Variants in SEMA3E observed in about 807,000 individuals in gnomAD.
SEMA3E encodes semaphorin-3E.
In SEMA3E, 49 loss-of-function variants were observed where a neutral mutation model predicts 93.6. That is an observed-to-expected ratio of 0.52 (90% confidence interval 0.42 to 0.66). The LOEUF is 0.66. Ranked by LOEUF, SEMA3E falls within the 30% of genes least tolerant of loss-of-function variation. The probability of loss-of-function intolerance (pLI) is 0.00; values close to 1 mark genes in which losing one functional copy is unlikely to be tolerated. For synonymous variants in SEMA3E, 363 were observed against 330.7 expected (o/e 1.10, Z -1.06); for missense variants, 906 against 964.8 (o/e 0.94, Z 0.81).
intron 4 of SEMA3E, among the ~76,000 whole-genome samples, chr7:83,422,300 A>G (rs1788682710): frequency 1.3e-5 from 2 of 152,208 alleles, no homozygotes; most frequent in African/African-American, 4.8e-5. Flanking sequence ...TATAGCTACT[A>G]TACACCAATT....
intron 4 of SEMA3E, among the ~76,000 whole-genome samples, chr7:83,430,441 G>A (rs577882997): frequency 6.6e-6 from 1 of 151,976 alleles, no homozygotes; most frequent in African/African-American, 2.4e-5. Flanking sequence ...CTCCAGCCTG[G>A]GTGACGTTAA....
intron 1 of SEMA3E, among the ~76,000 whole-genome samples, chr7:83,626,592 T>C (rs1388081681): frequency 1.3e-5 from 2 of 152,184 alleles, no homozygotes; most frequent in African/African-American, 2.4e-5. Flanking sequence ...TTGATTCTTC[T>C]CTCTTTTCTT....
rs568405187 is a variant in SEMA3E, at chr7:83,491,299, T to C, written c.116-1025A>G. Among the ~76,000 whole-genome samples, 5 of 152,156 alleles carry C rather than the reference T, an allele frequency of 3.3e-5. No homozygotes were observed. The East Asian group carries it at 7.7e-4, about 23-fold the overall frequency. On this transcript the variant is annotated intron_variant, in intron 1 of 16. Coordinates refer to ENST00000643230, the MANE Select transcript of SEMA3E (RefSeq NM_012431.3). ...TAATAATATATTCCTTATCTATGTCTCTACCCTCAAACTGTTGATGCCCAA... is the reference window on the plus strand; with the variant it reads ...TAATAATATATTCCTTATCTATGTCCCTACCCTCAAACTGTTGATGCCCAA...
At chr7:83,539,796 A>G (rs550840144) in intron 1 of SEMA3E, among the ~76,000 whole-genome samples, 53 of 151,606 alleles carry the variant, frequency 3.5e-4, no homozygotes, top group African/African-American at 1.2e-3. Context: ...TCTGTCAAAC[A>G]TAAGACAAAG....
chr7:83,518,357 T>C (rs1469815794), intron 1 of SEMA3E, among the ~76,000 whole-genome samples: 2 of 151,206 alleles, frequency 1.3e-5, no homozygotes, highest in African/African-American at 4.9e-5. Context: ...TTACAAGTCA[T>C]AGGTGAGGAA....
rs1008890403 is a variant in SEMA3E, at chr7:83,401,514, A to G, written c.1143+1118T>C. On this transcript the variant is annotated intron_variant, in intron 10 of 16. Coordinates refer to ENST00000643230, the MANE Select transcript of SEMA3E (RefSeq NM_012431.3). The stretch of plus-strand genomic sequence containing the variant: ...AGTCGCTTCCTCCAAATCTCCTTTA[A>G]GACCATGTGGTTTCAGGAAGCATTT... Among the ~76,000 whole-genome samples the G allele has an allele frequency of 1.4e-4, 21 of 152,176 alleles. 1 individual carries two copies. The highest frequency in any genetic ancestry group is 1.3e-4 in the Admixed American group (2 of 15,258).
intron 1 of SEMA3E, among the ~76,000 whole-genome samples, chr7:83,587,205 C>T (rs1169667118): frequency 6.6e-6 from 1 of 152,040 alleles, no homozygotes; most frequent in Non-Finnish European, 1.5e-5. Flanking sequence ...TATATATGTT[C>T]ACAAACTCAA....
rs1794635563 is a variant in SEMA3E, at chr7:83,364,378, T to C, written c.*3208A>G. ...CAAACATTCTAAGTATTTAACTAAT[T>C]TTAGATAGAAAAAACTCTAAAATAT... On this transcript the variant is annotated 3_prime_UTR_variant, in exon 17 of 17. Transcript: ENST00000643230. 6.6e-6 allele frequency: 1 copy of C among 152,202 alleles called. No individual in the cohort carries two copies. The highest frequency in any genetic ancestry group is 1.5e-5 in the Non-Finnish European group (1 of 68,036). The allele number at this position is 152,202 out of a possible 1,614,324, so 9.4% of individuals were successfully genotyped here.
At chr7:83,599,611 A>G (rs1403581438) in intron 1 of SEMA3E, among the ~76,000 whole-genome samples, 1 of 152,216 alleles carries the variant, frequency 6.6e-6, no homozygotes, top group Non-Finnish European at 1.5e-5. Context: ...TATTTTTCCC[A>G]TTAGATAACT....
rs1281731162 is a variant in SEMA3E at position 83,540,305 on chromosome 7, T to C, written c.116-50031A>G. Reference sequence around the variant, plus strand: ...AAATAGCCAGTAGGCATAATCTTTATACAAACATTAATCTACTAAACCACA... The same window carrying C: ...AAATAGCCAGTAGGCATAATCTTTACACAAACATTAATCTACTAAACCACA... On this transcript the variant is annotated intron_variant, in intron 1 of 16. Coordinates refer to ENST00000643230, the MANE Select transcript of SEMA3E (RefSeq NM_012431.3). 4.6e-5 allele frequency among the ~76,000 whole-genome samples: 7 copies of C among 152,222 alleles called. No homozygotes were observed. The East Asian group carries it at 1.3e-3, about 29-fold the overall frequency.
At chr7:83,451,987 C>CT (rs150879416) in intron 4 of SEMA3E, among the ~76,000 whole-genome samples, 129 of 152,312 alleles carry the variant, frequency 8.5e-4, no homozygotes, top group Admixed American at 1.5e-3. Flanking sequence ...CGTTCTCCTT[C>CT]TTCTGGTTTG....
intron 1 of SEMA3E, among the ~76,000 whole-genome samples, chr7:83,528,069 T>A (rs1656453071): frequency 6.6e-6 from 1 of 152,088 alleles, no homozygotes; most frequent in African/African-American, 2.4e-5. Flanking sequence ...TATTCTTACA[T>A]ATAATTTTTG....
intron 1 of SEMA3E, among the ~76,000 whole-genome samples, chr7:83,521,990 A>T (rs1028547606): frequency 6.6e-6 from 1 of 152,090 alleles, no homozygotes; most frequent in Admixed American, 6.6e-5. Context: ...CAGAGACAAA[A>T]ATTTGACAGA....
At chr7:83,390,835 A>T (rs1034914939) in intron 14 of SEMA3E, among the ~76,000 whole-genome samples, 3 of 152,116 alleles carry the variant, frequency 2.0e-5, no homozygotes, top group African/African-American at 7.2e-5. Context: ...TTTCTAAGTA[A>T]CTCTTTTTGT....
chr7:83,625,404 C>A (rs1687355438), intron 1 of SEMA3E, among the ~76,000 whole-genome samples: 1 of 152,186 alleles, frequency 6.6e-6, no homozygotes, highest in East Asian at 1.9e-4. Context: ...TTTCCTTGAG[C>A]AGTGGTTTGT....
Position 83,385,373 on chromosome 7 carries a change from A to C in SEMA3E, c.1796T>G (p.Leu599Trp). The C allele has an allele frequency of 6.2e-7, 1 of 1,613,672 alleles. No homozygotes were observed. Residue 599 changes from leucine (L) to tryptophan (W), a missense_variant, in exon 16 of 17, where the codon TTG becomes TGG. By Grantham distance (61) the Leu-to-Trp change is moderately conservative (BLOSUM62 -2). Coordinates refer to ENST00000643230, the MANE Select transcript of SEMA3E (RefSeq NM_012431.3). Reference sequence around the variant, plus strand: ...TAAAGATCGTGGGGTACATTCCAGCAAAGTACTGTTGTTCTCTATGCCATA... The same window carrying C: ...TAAAGATCGTGGGGTACATTCCAGCCAAGTACTGTTGTTCTCTATGCCATA... Reference protein sequence around the residue: ...LAYGIENNSTLLECTPRSLQA... With the variant: ...LAYGIENNSTWLECTPRSLQA...
chr7:83,636,190 T>C (rs1366606128), intron 1 of SEMA3E, among the ~76,000 whole-genome samples: 1 of 152,188 alleles, frequency 6.6e-6, no homozygotes, highest in Non-Finnish European at 1.5e-5. Flanking sequence ...CTTTTAATAA[T>C]TTACAGATAT....
Position 83,389,593 on chromosome 7 carries a change from A to ACG in SEMA3E, c.1668-2544_1668-2543insCG, listed in dbSNP as rs1449975865. The stretch of plus-strand genomic sequence containing the variant: ...TATTTCAGTATACATATATACATAC[A>ACG]CACATATATACACGTATATATTACA... On this transcript the variant is annotated intron_variant, in intron 14 of 16. Transcript: ENST00000643230. Among the ~76,000 whole-genome samples, 61 of 151,020 alleles carry ACG rather than the reference A, an allele frequency of 4.0e-4. No individual in the cohort carries two copies. The South Asian group carries it at 0.011, about 28-fold the overall frequency.
chr7:83,431,367 T>TA (rs1181602260), intron 4 of SEMA3E, among the ~76,000 whole-genome samples: 1 of 151,834 alleles, frequency 6.6e-6, no homozygotes, highest in South Asian at 2.1e-4. Flanking sequence ...AAATATAAAT[T>TA]AAAAAATATA....
Sources: gnomAD v4.1 joint callset for allele counts (sites outside exome capture counted in the v4.1 genomes callset) on GRCh38, gnomAD v4.1.1 for gene constraint, MANE v1.5 for transcripts, NCBI Gene and HGNC (gene_info 2026-07-23, HGNC 2026-07-21) for gene names.